The following ROBO2 variants were observed in gnomAD, a reference collection of about 807,000 sequenced individuals.
ROBO2 encodes roundabout guidance receptor 2, also known as roundabout homolog 2.
In ROBO2, 53 loss-of-function variants were observed where a neutral mutation model predicts 160.8. That is an observed-to-expected ratio of 0.33 (90% CI 0.26 to 0.41). The LOEUF (loss-of-function observed/expected upper bound fraction) is 0.41. Ranked by LOEUF, ROBO2 falls within the 10% of genes least tolerant of loss-of-function variation. The pLI is 1.00. For synonymous variants in ROBO2, 664 were observed against 611.7 expected (o/e 1.09, Z -1.26); for missense variants, 1,577 against 1,722.4 (o/e 0.92, Z 1.49).
At chr3:76,631,415 G>A (rs906272385) in intron 2 of ROBO2, among the ~76,000 whole-genome samples, 5 of 151,750 alleles carry the variant, frequency 3.3e-5, no homozygotes, top group Middle Eastern at 3.2e-3. Flanking sequence ...ATTCTCTAGT[G>A]TACGGGTAGA....
At chr3:77,502,291 A>G (rs550032288) in intron 5 of ROBO2, among the ~76,000 whole-genome samples, 1 of 152,130 alleles carries the variant, frequency 6.6e-6, no homozygotes, top group African/African-American at 2.4e-5. Context: ...TTTTTATCAT[A>G]TAGTCACAGA....
At chr3:77,055,047 A>G (rs960311016) in intron 1 of ROBO2, among the ~76,000 whole-genome samples, 3 of 151,836 alleles carry the variant, frequency 2.0e-5, no homozygotes, top group Admixed American at 6.6e-5. Flanking sequence ...TGGTGCAACA[A>G]TAAGTAGAGA....
chr3:76,079,308 C>T (rs2068741320), intron 2 of ROBO2, among the ~76,000 whole-genome samples: 1 of 151,984 alleles, frequency 6.6e-6, no homozygotes, highest in Admixed American at 6.6e-5. Context: ...TTGGAATGTT[C>T]CTAACACAAT....
At chr3:77,005,565 A>C (rs1252311607) in intron 2 of ROBO2, among the ~76,000 whole-genome samples, 1 of 151,488 alleles carries the variant, frequency 6.6e-6, no homozygotes, top group Non-Finnish European at 1.5e-5. Context: ...TGGTGTACCT[A>C]TGGATCTTCT....
chr3:77,608,205 G>T (rs1445267409), intron 21 of ROBO2, among the ~76,000 whole-genome samples: 1 of 152,154 alleles, frequency 6.6e-6, no homozygotes, highest in African/African-American at 2.4e-5. Flanking sequence ...TGATAATGCA[G>T]CCTCCATTTA....
intron 2 of ROBO2, among the ~76,000 whole-genome samples, chr3:76,641,121 A>G (rs940363309): frequency 2.0e-5 from 3 of 152,226 alleles, no homozygotes; most frequent in Non-Finnish European, 4.4e-5. Context: ...GGCAAAATAT[A>G]CTAATCAATG....
At chr3:76,147,795 G>T (rs981810253) in intron 2 of ROBO2, among the ~76,000 whole-genome samples, 2 of 151,880 alleles carry the variant, frequency 1.3e-5, no homozygotes, top group African/African-American at 4.8e-5. Flanking sequence ...GGGGAAGGGG[G>T]ATGAAATCAT....
At chr3:77,168,467 T>A (rs1332411513) in intron 2 of ROBO2, among the ~76,000 whole-genome samples, 1 of 152,222 alleles carries the variant, frequency 6.6e-6, no homozygotes, top group Non-Finnish European at 1.5e-5. Flanking sequence ...AGAAGTCTGA[T>A]TTGAAATCTT....
chr3:76,705,652 C>G (rs961347670), intron 2 of ROBO2, among the ~76,000 whole-genome samples: 1 of 152,108 alleles, frequency 6.6e-6, no homozygotes, highest in Non-Finnish European at 1.5e-5. Context: ...ACAAGCTCTT[C>G]TCATAAGAAA....
Position 77,470,163 on chromosome 3 carries a change from G to A in ROBO2, c.389-7251G>A, listed in dbSNP as rs549424437. 1.6e-3 allele frequency among the ~76,000 whole-genome samples: 238 copies of A among 152,286 alleles called. 3 individuals are homozygous for A. The highest frequency in any genetic ancestry group is 5.2e-3 in the African/African-American group (216 of 41,554). On this transcript the variant is annotated intron_variant, in intron 2 of 25. Transcript: ENST00000461745. ...GTCCCTGATGAGCCTGGAGATATAT[G>A]CAGGGACCTGGTTCCAAACAACATT...
At chr3:76,969,699 T>A (rs957147769) in intron 2 of ROBO2, among the ~76,000 whole-genome samples, 3 of 152,166 alleles carry the variant, frequency 2.0e-5, no homozygotes, top group Non-Finnish European at 4.4e-5. Context: ...TTCCAGCCTC[T>A]GATAATGACT....
At chr3:75,948,692 GC>G (rs1431056475) in intron 2 of ROBO2, among the ~76,000 whole-genome samples, 15 of 151,986 alleles carry the variant, frequency 9.9e-5, no homozygotes, top group Admixed American at 5.3e-4. Context: ...CCTTTCATGA[GC>G]CCTGAGATTT....
At chr3:76,700,784 T>C (rs547371391) in intron 2 of ROBO2, among the ~76,000 whole-genome samples, 1 of 152,130 alleles carries the variant, frequency 6.6e-6, no homozygotes, top group South Asian at 2.1e-4. Context: ...ACTTTAAAAA[T>C]AATTTTCTTT....
At chr3:76,675,640 TC>T (rs1214777624) in intron 2 of ROBO2, among the ~76,000 whole-genome samples, 2 of 152,166 alleles carry the variant, frequency 1.3e-5, no homozygotes, top group Non-Finnish European at 2.9e-5. Context: ...TTATAGTGTG[TC>T]CTACGGGACT....
At chr3:76,161,012 G>A (rs1354705608) in intron 2 of ROBO2, among the ~76,000 whole-genome samples, 2 of 152,008 alleles carry the variant, frequency 1.3e-5, no homozygotes, top group Non-Finnish European at 1.5e-5. Context: ...CCAACAGAAC[G>A]GTTAATGAAC....
intron 2 of ROBO2, among the ~76,000 whole-genome samples, chr3:76,653,637 A>G (rs181803525): frequency 6.6e-6 from 1 of 152,256 alleles, no homozygotes; most frequent in Non-Finnish European, 1.5e-5. Flanking sequence ...ATAATTAAAT[A>G]TAAAAATCGA....
chr3:76,133,782 C>G (rs2071323358), intron 2 of ROBO2, among the ~76,000 whole-genome samples: 1 of 152,120 alleles, frequency 6.6e-6, no homozygotes, highest in East Asian at 1.9e-4. Context: ...CTTCTTCTAT[C>G]TGCTTTTATT....
At chr3:76,713,070 A>T (rs1434107776) in intron 2 of ROBO2, among the ~76,000 whole-genome samples, 1 of 152,172 alleles carries the variant, frequency 6.6e-6, no homozygotes. Flanking sequence ...TTAAAAACTG[A>T]CGTTTTTCCA....
intron 2 of ROBO2, among the ~76,000 whole-genome samples, chr3:76,196,675 G>A (rs955414897): frequency 4.6e-5 from 7 of 152,072 alleles, no homozygotes; most frequent in African/African-American, 1.7e-4. Flanking sequence ...AGGAAAAACT[G>A]GCAAAGTTCA....
Sources: allele counts gnomAD v4.1 joint callset (sites outside exome capture counted in the v4.1 genomes callset), GRCh38; gene constraint gnomAD v4.1.1; transcripts MANE v1.5; gene names NCBI Gene and HGNC (gene_info 2026-07-23, HGNC 2026-07-21).